Variants in ZNF33B observed in about 807,000 individuals in gnomAD.
The protein encoded by ZNF33B is zinc finger protein 11b (KOX 2).
In ZNF33B, 29 loss-of-function variants were observed where a neutral mutation model predicts 45.8. That is an observed-to-expected ratio of 0.63 (90% CI 0.47 to 0.86). ZNF33B has a LOEUF of 0.86. Ranked by LOEUF, ZNF33B falls within the 40% of genes least tolerant of loss-of-function variation. The pLI, the probability that ZNF33B is intolerant of heterozygous loss-of-function variation, is 0.00. For missense variants in ZNF33B, 831 were observed against 909.9 expected (o/e 0.91, Z 1.12); for synonymous variants, 305 against 307.8 (o/e 0.99, Z 0.10).
chr10:42,589,674 A>G lies in ZNF33B; in HGVS notation c.*2939T>C, dbSNP rs1206606332. The G allele has an allele frequency of 6.6e-6, 1 of 152,238 alleles. No individual in the cohort carries two copies. The highest frequency in any genetic ancestry group is 1.9e-4 in the East Asian group (1 of 5,200). 9.4% of individuals were successfully genotyped at this position (152,238 alleles called of 1,614,324 possible). A position where few individuals can be genotyped will look rare whatever the true frequency, so the allele number is the denominator to read the frequency against. Reference sequence around the variant, plus strand: ...GGACTACATTCTACAACCCTGCTATAATTGCTTATTAATGTCAGCAGGTTT... The same window carrying G: ...GGACTACATTCTACAACCCTGCTATGATTGCTTATTAATGTCAGCAGGTTT... On this transcript the variant is annotated 3_prime_UTR_variant, in exon 5 of 5. Coordinates refer to ENST00000359467, the MANE Select transcript of ZNF33B (RefSeq NM_006955.3).
intron 2 of ZNF33B, among the ~76,000 whole-genome samples, chr10:42,633,466 G>A (rs2132168198): frequency 6.6e-6 from 1 of 152,264 alleles, no homozygotes; most frequent in African/African-American, 2.4e-5. Context: ...ATAAACTACT[G>A]TAGAAGAAAC....
At chr10:42,600,297 CCT>C (rs1837565918) in intron 4 of ZNF33B, among the ~76,000 whole-genome samples, 1 of 152,046 alleles carries the variant, frequency 6.6e-6, no homozygotes, top group Admixed American at 6.6e-5. Context: ...GATGCTAAAG[CCT>C]CTGATTATAA....
intron 4 of ZNF33B, among the ~76,000 whole-genome samples, chr10:42,623,067 G>C (rs566502282): frequency 6.6e-6 from 1 of 152,296 alleles, no homozygotes; most frequent in South Asian, 2.1e-4. Context: ...AGGAGTTCAA[G>C]ACAAGCCTGG....
At chr10:42,579,062 G>A (rs764087322) in intron 1 of ZNF33B, among the ~76,000 whole-genome samples, 2 of 152,220 alleles carry the variant, frequency 1.3e-5, no homozygotes, top group Non-Finnish European at 1.5e-5. Flanking sequence ...GTCTCTGCAC[G>A]GGGGATGCAA....
intron 1 of ZNF33B, among the ~76,000 whole-genome samples, chr10:42,581,335 C>T (rs1267318692): frequency 2.0e-5 from 3 of 151,666 alleles, no homozygotes; most frequent in Non-Finnish European, 4.4e-5. Context: ...GTGGTGGTAT[C>T]TGCCTGTAAT....
At chr10:42,575,704 G>A (rs1203859368) in intron 1 of ZNF33B, among the ~76,000 whole-genome samples, 1 of 145,556 alleles carries the variant, frequency 6.9e-6, no homozygotes, top group Non-Finnish European at 1.5e-5. Context: ...TATAATGACT[G>A]CATAATAATA....
chr10:42,601,468 G>GTTTTTTTTTTTTTTTTTTTTTTTTTTTT (rs57196690), intron 4 of ZNF33B, among the ~76,000 whole-genome samples: 1 of 79,444 alleles, frequency 1.3e-5, no homozygotes, highest in Non-Finnish European at 2.3e-5. Context: ...ACATGGGCTT[G>GTTTTTTTTTTTTTTTTTTTTTTTTTTTT]TTTTTTTTTT....
At chr10:42,638,432 C>CG in intron 1 of ZNF33B, 42 bp downstream of exon 1, 1 of 346,548 alleles carries the variant, frequency 2.9e-6, no homozygotes, top group Non-Finnish European at 5.7e-6. Context: ...TGGAGTCGCG[C>CG]GGGGCCCCCT....
intron 4 of ZNF33B, among the ~76,000 whole-genome samples, chr10:42,618,810 T>C (rs1176606039): frequency 6.6e-6 from 1 of 152,198 alleles, no homozygotes; most frequent in Non-Finnish European, 1.5e-5. Flanking sequence ...ATACTCCCGT[T>C]TGTGTATGCT....
At chr10:42,635,907 G>T (rs1211121482) in intron 2 of ZNF33B, among the ~76,000 whole-genome samples, 1 of 151,944 alleles carries the variant, frequency 6.6e-6, no homozygotes, top group African/African-American at 2.4e-5. Context: ...GAGGAGGGCA[G>T]ATCACGACGT....
chr10:42,625,720 G>A (rs1051444676), intron 4 of ZNF33B, among the ~76,000 whole-genome samples: 30 of 152,304 alleles, frequency 2.0e-4, no homozygotes, highest in African/African-American at 6.7e-4. Context: ...TGATCCACTC[G>A]CCACGGCCTC....
intron 4 of ZNF33B, among the ~76,000 whole-genome samples, chr10:42,628,114 CAA>C (rs1838892201): frequency 6.6e-6 from 1 of 152,114 alleles, no homozygotes; most frequent in Non-Finnish European, 1.5e-5. Context: ...CCTCCCAGTT[CAA>C]GAGATTCTCC....
At chr10:42,626,111 T>C (rs897414463) in intron 4 of ZNF33B, among the ~76,000 whole-genome samples, 9 of 152,268 alleles carry the variant, frequency 5.9e-5, no homozygotes, top group African/African-American at 2.2e-4. Context: ...TTTTGTCAAA[T>C]GCTTTCTCTA....
In ZNF33B at chr10:42,594,209, A is replaced by G. The variant is rs577222367; in HGVS notation, c.741T>C (p.Cys247=). 4.3e-6 allele frequency: 7 copies of G among 1,613,702 alleles called. No homozygotes were observed. In the South Asian group the frequency reaches 7.7e-5, roughly 18 times the overall value. ...AAGTTCTCCCAAATTCATTATAGTCACAGTTATTCTCTTCTGCATTCTCTC... is the reference window on the plus strand; with the variant it reads ...AAGTTCTCCCAAATTCATTATAGTCGCAGTTATTCTCTTCTGCATTCTCTC... ...RKRENAEENN[C]DYNEFGRTFC... is the part of the protein sequence containing the mutation. Residue 247 remains cysteine, a synonymous_variant, in exon 5 of 5, where the codon TGT becomes TGC. Transcript: ENST00000359467.
rs1175205990 is a variant in ZNF33B, at chr10:42,593,043, G to A, written c.1907C>T (p.Pro636Leu). Residue 636 changes from proline (P) to leucine (L), a missense_variant, in exon 5 of 5, where the codon CCC becomes CTC. Physicochemically the swap from Pro to Leu is moderately conservative, Grantham distance 98. Coordinates refer to ENST00000359467, the MANE Select transcript of ZNF33B (RefSeq NM_006955.3). ...QHQRIHIGEK[P>L]YECNECGKAF... ...TTTTCCACACTCATTACATTCATAG[G>A]GTTTCTCCCCTATGTGAATTCTCTG... 6.2e-7 allele frequency: 1 copy of A among 1,613,836 alleles called. No homozygotes were observed. The highest frequency in any genetic ancestry group is 1.3e-5 in the African/African-American group (1 of 74,852).
chr10:42,606,943 C>A (rs983323726), intron 4 of ZNF33B, among the ~76,000 whole-genome samples: 2 of 152,096 alleles, frequency 1.3e-5, no homozygotes, highest in African/African-American at 4.8e-5. Flanking sequence ...ACTGGTTGAG[C>A]TTCCCAAATC....
Position 42,603,593 on chromosome 10 carries a change from C to T in ZNF33B, c.251-8894G>A, listed in dbSNP as rs1837718018. On this transcript the variant is annotated intron_variant, in intron 4 of 4. Transcript: ENST00000359467. Reference sequence around the variant, plus strand: ...TAGGAGGTGACTTTCAGAATGGCAACATAAAAAGCAAACTCAAAGCCTCAA... The same window carrying T: ...TAGGAGGTGACTTTCAGAATGGCAATATAAAAAGCAAACTCAAAGCCTCAA... Among the ~76,000 whole-genome samples the T allele has an allele frequency of 3.9e-5, 6 of 152,266 alleles. No individual in the cohort carries two copies. The South Asian group carries it at 1.2e-3, about 32-fold the overall frequency.
rs145635034 is a variant in ZNF33B at position 42,595,445 on chromosome 10, C to T, written c.251-746G>A. 3.3e-3 allele frequency among the ~76,000 whole-genome samples: 509 copies of T among 152,220 alleles called. 3 individuals carry two copies. Among genetic ancestry groups the T allele is most frequent in the Admixed American group, 7.9e-3 (121 of 15,290 alleles). ...GACAGAGTAATCACAGAAAATAAGA[C>T]TTGTAATTCAAGTCTTATTAAAGAC... On this transcript the variant is annotated intron_variant, in intron 4 of 4. Transcript: ENST00000359467.
At chr10:42,625,088 T>G (rs1838746611) in intron 4 of ZNF33B, among the ~76,000 whole-genome samples, 1 of 151,328 alleles carries the variant, frequency 6.6e-6, no homozygotes, top group Non-Finnish European at 1.5e-5. Context: ...TATGGAAATT[T>G]TGGAATAAGC....
Sources: allele counts gnomAD v4.1 joint callset (sites outside exome capture counted in the v4.1 genomes callset), GRCh38; gene constraint gnomAD v4.1.1; transcripts MANE v1.5; gene names NCBI Gene and HGNC (gene_info 2026-07-23, HGNC 2026-07-21).